The following TRIO variants were observed in gnomAD, a reference collection of about 807,000 sequenced individuals.
TRIO encodes the protein triple functional domain protein.
A neutral mutation model predicts 351.9 loss-of-function variants in TRIO; 58 were observed. That is an observed-to-expected ratio of 0.16 (90% CI 0.13 to 0.21). The LOEUF is 0.21. Ranked by LOEUF, TRIO falls within the 10% of genes least tolerant of loss-of-function variation. TRIO has a pLI of 1.00. For synonymous variants in TRIO, 1,758 were observed against 1,595.7 expected (o/e 1.10, Z -2.42); for missense variants, 3,201 against 4,027.8 (o/e 0.79, Z 5.56).
intron 37 of TRIO, chr5:14,465,912 GGGAGTGCCT>G (rs1287087044): frequency 2.6e-6 from 1 of 382,578 alleles, no homozygotes; most frequent in Non-Finnish European, 4.9e-6. Context: ...GCAGGTCTCA[GGGAGTGCCT>G]GGTTCAAGCT....
At chr5:14,157,042 G>C (rs138052128) in intron 1 of TRIO, among the ~76,000 whole-genome samples, 1 of 152,176 alleles carries the variant, frequency 6.6e-6, no homozygotes, top group African/African-American at 2.4e-5. Flanking sequence ...GAAATAAAAA[G>C]GAAAGTGTTG....
At chr5:14,404,867 G>A (rs909814998) in intron 31 of TRIO, among the ~76,000 whole-genome samples, 1 of 152,110 alleles carries the variant, frequency 6.6e-6, no homozygotes, top group Non-Finnish European at 1.5e-5. Context: ...CCCAACATGG[G>A]CTTTGATTTT....
chr5:14,487,773 C>A lies in TRIO; in HGVS notation c.7145C>A (p.Ala2382Asp). ...CCCTCCCTGCCTCCCCCTGGCGCGG[C>A]CCCCGAGGCCGGCCCCAGCGCGCCC... ...PGPSLPPPGA[A>D]PEAGPSAPSR... The change falls in exon 48 of 57, where the codon GCC (alanine) becomes GAC (aspartate). Residue 2382 changes from alanine to aspartate, a missense_variant. By Grantham distance (126) the Ala-to-Asp change is moderately radical (BLOSUM62 -2). Coordinates refer to ENST00000344204, the MANE Select transcript of TRIO (RefSeq NM_007118.4). 1 of 1,363,646 alleles carries A rather than the reference C, an allele frequency of 7.3e-7. No individual in the cohort carries two copies. Among genetic ancestry groups the A allele is most frequent in the Non-Finnish European group, 9.5e-7 (1 of 1,056,020 alleles). The allele number at this position is 1,363,646 out of a possible 1,614,324, so 84.5% of individuals were successfully genotyped here.
At chr5:14,293,245 G>C in intron 6 of TRIO, 111 bp downstream of exon 6, 1 of 1,453,188 alleles carries the variant, frequency 6.9e-7, no homozygotes, top group Non-Finnish European at 9.4e-7. Context: ...AGTGGCTGTT[G>C]ATTGTAGCAG....
chr5:14,370,869 A>G (rs1405159922), intron 18 of TRIO, among the ~76,000 whole-genome samples: 1 of 152,230 alleles, frequency 6.6e-6, no homozygotes, highest in Admixed American at 6.5e-5. Context: ...AGTATGAAAG[A>G]AAAATGAATG....
At chr5:14,375,556 G>A (rs2071233444) in intron 19 of TRIO, among the ~76,000 whole-genome samples, 2 of 152,116 alleles carry the variant, frequency 1.3e-5, no homozygotes, top group Admixed American at 1.3e-4. Context: ...CCTACTTGGG[G>A]GTGAAAGGTT....
intron 1 of TRIO, among the ~76,000 whole-genome samples, chr5:14,232,454 C>CTTTATACTTGGTTACG (rs1793500597): frequency 6.6e-6 from 1 of 152,162 alleles, no homozygotes. Context: ...TAACGCTCAG[C>CTTTATACTTGGTTACG]TTTATACTTG....
At chr5:14,189,263 T>C (rs1790318209) in intron 1 of TRIO, among the ~76,000 whole-genome samples, 2 of 152,248 alleles carry the variant, frequency 1.3e-5, no homozygotes, top group South Asian at 4.1e-4. Flanking sequence ...ATCTGTCCAC[T>C]TTTGAATACA....
At chr5:14,449,018 A>G (rs1042717343) in intron 34 of TRIO, among the ~76,000 whole-genome samples, 4 of 152,234 alleles carry the variant, frequency 2.6e-5, no homozygotes, top group African/African-American at 7.2e-5. Flanking sequence ...TGGCCTAGAC[A>G]TTCTCCTCTA....
intron 11 of TRIO, among the ~76,000 whole-genome samples, chr5:14,353,428 A>AT (rs1189302579): frequency 2.6e-5 from 4 of 151,616 alleles, no homozygotes; most frequent in Non-Finnish European, 4.4e-5. Context: ...ACGCCCAGCT[A>AT]TTTTTTTGTA....
chr5:14,325,575 C>A (rs1740306471), intron 9 of TRIO, among the ~76,000 whole-genome samples: 1 of 152,200 alleles, frequency 6.6e-6, no homozygotes, highest in African/African-American at 2.4e-5. Flanking sequence ...ATGACTGGAA[C>A]ACCTCCCGGT....
chr5:14,232,806 T>C (rs1420487573), intron 1 of TRIO, among the ~76,000 whole-genome samples: 1 of 152,238 alleles, frequency 6.6e-6, no homozygotes, highest in Non-Finnish European at 1.5e-5. Context: ...ATACATGATA[T>C]TGGCATTTTA....
At chr5:14,306,242 T>A (rs555587258) in intron 8 of TRIO, among the ~76,000 whole-genome samples, 1 of 151,384 alleles carries the variant, frequency 6.6e-6, no homozygotes, top group South Asian at 2.1e-4. Context: ...TCGTGTTGGC[T>A]ATGGAATTAA....
intron 1 of TRIO, among the ~76,000 whole-genome samples, chr5:14,196,077 A>T (rs536741230): frequency 6.6e-6 from 1 of 152,152 alleles, no homozygotes; most frequent in African/African-American, 2.4e-5. Context: ...GCCATCTAGC[A>T]CATGTATTAT....
intron 1 of TRIO, among the ~76,000 whole-genome samples, chr5:14,226,561 A>G (rs1554037015): frequency 6.6e-6 from 1 of 152,240 alleles, no homozygotes; most frequent in Non-Finnish European, 1.5e-5. Flanking sequence ...AAGGGTTTTT[A>G]TAAAAGTAGT....
At chr5:14,357,572 T>C (rs903227082) in intron 11 of TRIO, among the ~76,000 whole-genome samples, 1 of 151,898 alleles carries the variant, frequency 6.6e-6, no homozygotes, top group African/African-American at 2.4e-5. Context: ...CTTTTCAGCA[T>C]GCACACTCTT....
At chr5:14,228,714 T>G (rs1284796557) in intron 1 of TRIO, among the ~76,000 whole-genome samples, 1 of 152,242 alleles carries the variant, frequency 6.6e-6, no homozygotes, top group East Asian at 1.9e-4. Flanking sequence ...TTTGGCTTTT[T>G]AGAACCTTAC....
At chr5:14,406,726 C>A in intron 33 of TRIO, 54 bp downstream of exon 33, 2 of 1,540,242 alleles carry the variant, frequency 1.3e-6, no homozygotes, top group South Asian at 2.2e-5. Context: ...AGTCTCTGGT[C>A]AAAGCAGCCC....
intron 7 of TRIO, among the ~76,000 whole-genome samples, chr5:14,297,697 C>A (rs777669440): frequency 1.3e-5 from 2 of 152,168 alleles, no homozygotes; most frequent in Non-Finnish European, 2.9e-5. Context: ...AACGCCCATC[C>A]GTGGTGCAGA....
Sources: allele counts gnomAD v4.1 joint callset (sites outside exome capture counted in the v4.1 genomes callset), GRCh38; gene constraint gnomAD v4.1.1; transcripts MANE v1.5; gene names NCBI Gene and HGNC (gene_info 2026-07-23, HGNC 2026-07-21).